The following SPTBN1 variants were observed in gnomAD, a reference collection of about 807,000 sequenced individuals.
SPTBN1 encodes the protein spectrin beta chain, non-erythrocytic 1.
A neutral mutation model predicts 266.4 loss-of-function variants in SPTBN1; 32 were observed. The observed-to-expected ratio is 0.12, with a 90% CI of 0.09 to 0.16. The LOEUF is 0.16. Among genes scored for constraint, SPTBN1 ranks in the 10% least tolerant of loss-of-function variants. The pLI is 1.00. For synonymous variants in SPTBN1, 1,336 were observed against 1,162.2 expected (o/e 1.15, Z -3.04); for missense variants, 2,296 against 3,067.1 (o/e 0.75, Z 5.94).
chr2:54,665,900 T>G lies in SPTBN1; in HGVS notation c.6660-15T>G, dbSNP rs202027101. ...AGCCTTTATCTCCCCCTGCCCTTTT[T>G]TTTAAACTGCACAGGTCCTGGCACA... On this transcript the variant is annotated splice_polypyrimidine_tract_variant and intron_variant, in intron 33 of 35. Coordinates refer to ENST00000356805, the MANE Select transcript of SPTBN1 (RefSeq NM_003128.3). 240 of 1,599,136 alleles carry G rather than the reference T, an allele frequency of 1.5e-4. No homozygotes were observed. In the African/African-American group the frequency reaches 2.5e-3, roughly 17 times the overall value.
chr2:54,514,973 T>C (rs1385305566), intron 1 of SPTBN1, among the ~76,000 whole-genome samples: 4 of 152,250 alleles, frequency 2.6e-5, no homozygotes, highest in Non-Finnish European at 1.5e-5. Context: ...TTAGAAAATA[T>C]GGTTTAGGAG....
intron 1 of SPTBN1, among the ~76,000 whole-genome samples, chr2:54,502,146 A>G (rs1210172190): frequency 1.3e-5 from 2 of 152,182 alleles, no homozygotes; most frequent in Non-Finnish European, 2.9e-5. Flanking sequence ...GGCCTTTGAA[A>G]TGACACCCTA....
At chr2:54,477,397 T>TA (rs1280884523) in intron 1 of SPTBN1, among the ~76,000 whole-genome samples, 4 of 146,058 alleles carry the variant, frequency 2.7e-5, no homozygotes, top group Admixed American at 1.3e-4. Context: ...TTTGTGGCAT[T>TA]ACCTTTTTTT....
chr2:54,461,052 GTTC>G lies in SPTBN1; in HGVS notation c.-48+4535_-48+4537del, dbSNP rs1455179851. On this transcript the variant is annotated intron_variant, in intron 1 of 35. Transcript: ENST00000356805. ...GGGACACTCAGGCAGCCACCGGCTA[GTTC>G]AGGAAGAGCCTTATACATTCAGAGC... is the stretch of plus-strand genomic sequence containing the variant. Among the ~76,000 whole-genome samples, 5 of 152,272 alleles carry G rather than the reference GTTC, an allele frequency of 3.3e-5. No individual in the cohort carries two copies. In the East Asian group the frequency reaches 9.6e-4, roughly 29 times the overall value.
intron 1 of SPTBN1, among the ~76,000 whole-genome samples, chr2:54,509,769 A>T (rs768241938): frequency 6.6e-6 from 1 of 152,092 alleles, no homozygotes; most frequent in Non-Finnish European, 1.5e-5. Context: ...AACAACAGAA[A>T]TTTATTTTCT....
chr2:54,572,130 G>T (rs1234323721), intron 2 of SPTBN1, among the ~76,000 whole-genome samples: 2 of 152,136 alleles, frequency 1.3e-5, no homozygotes, highest in East Asian at 3.8e-4. Flanking sequence ...AGGAGAAGAG[G>T]AGAGGAGAGG....
intron 2 of SPTBN1, among the ~76,000 whole-genome samples, chr2:54,551,647 A>T (rs563921642): frequency 6.6e-6 from 1 of 152,312 alleles, no homozygotes; most frequent in South Asian, 2.1e-4. Context: ...AGAAACAGGA[A>T]AAGGATATAA....
Position 54,468,206 on chromosome 2 carries a change from C to T in SPTBN1, c.-48+11688C>T, listed in dbSNP as rs2103840915. Reference sequence around the variant, plus strand: ...TCTCTAGTCCCAGCTACTTGGGAGGCTGAGGCAGGAGAATCACTTGAACCC... The same window carrying T: ...TCTCTAGTCCCAGCTACTTGGGAGGTTGAGGCAGGAGAATCACTTGAACCC... On this transcript the variant is annotated intron_variant, in intron 1 of 35. Coordinates refer to ENST00000356805, the MANE Select transcript of SPTBN1 (RefSeq NM_003128.3). Among the ~76,000 whole-genome samples, 3 of 152,140 alleles carry T rather than the reference C, an allele frequency of 2.0e-5. No individual in the cohort carries two copies. In the Middle Eastern group the frequency reaches 0.01, roughly 517 times the overall value.
intron 2 of SPTBN1, among the ~76,000 whole-genome samples, chr2:54,552,501 G>A (rs1558831480): frequency 1.3e-5 from 2 of 150,658 alleles, no homozygotes; most frequent in African/African-American, 4.9e-5. Flanking sequence ...CTGTCACCCA[G>A]GCTGGAGTGC....
chr2:54,607,945 A>G (rs1166451173), intron 3 of SPTBN1, among the ~76,000 whole-genome samples: 1 of 152,218 alleles, frequency 6.6e-6, no homozygotes, highest in Non-Finnish European at 1.5e-5. Context: ...TTGTTACCCA[A>G]GTAACCTTCC....
At chr2:54,515,544 A>G (rs1159372353) in intron 1 of SPTBN1, among the ~76,000 whole-genome samples, 1 of 151,438 alleles carries the variant, frequency 6.6e-6, no homozygotes, top group Non-Finnish European at 1.5e-5. Flanking sequence ...TTATTTATTT[A>G]TTTTTGTGAC....
intron 3 of SPTBN1, among the ~76,000 whole-genome samples, chr2:54,611,862 A>T (rs1398976925): frequency 1.3e-5 from 2 of 152,230 alleles, no homozygotes; most frequent in Non-Finnish European, 2.9e-5. Context: ...TAGCGCTGAA[A>T]TTCTCCATGA....
chr2:54,468,009 A>G (rs1325377487), intron 1 of SPTBN1, among the ~76,000 whole-genome samples: 1 of 152,204 alleles, frequency 6.6e-6, no homozygotes, highest in Non-Finnish European at 1.5e-5. Context: ...ACATACAGTT[A>G]ATATTTTAGT....
Position 54,622,355 on chromosome 2 carries a change from C to A in SPTBN1, c.932C>A (p.Ala311Asp). The A allele has an allele frequency of 1.9e-6, 3 of 1,614,186 alleles. No homozygotes were observed. The highest frequency in any genetic ancestry group is 2.5e-6 in the Non-Finnish European group (3 of 1,180,022). ...EKMIEKYESL[A>D]SDLLEWIEQT... ...ATGATTGAAAAGTATGAATCACTTG[C>A]CTCTGACCTTCTGGAATGGATTGAA... The change falls in exon 9 of 36, where the codon GCC becomes GAC. Residue 311 changes from alanine (A) to aspartate (D), a missense_variant. Around this residue, in one of 12 missense-constraint regions of SPTBN1, gnomAD observed 148 missense variants for 203.8 expected, o/e 0.73. Coordinates refer to ENST00000356805, the MANE Select transcript of SPTBN1 (RefSeq NM_003128.3).
chr2:54,467,986 T>C (rs1222909157), intron 1 of SPTBN1, among the ~76,000 whole-genome samples: 8 of 152,202 alleles, frequency 5.3e-5, no homozygotes. Flanking sequence ...CTAGATACTA[T>C]GTGACCCCGG....
Position 54,626,212 on chromosome 2 carries a change from T to C in SPTBN1, c.1622T>C (p.Met541Thr). 6.2e-7 allele frequency: 1 copy of C among 1,613,790 alleles called. No individual in the cohort carries two copies. Among genetic ancestry groups the C allele is most frequent in the Non-Finnish European group, 8.5e-7 (1 of 1,179,694 alleles). Residue 541 changes from methionine to threonine, a missense_variant, in exon 12 of 36, where the codon ATG (methionine) becomes ACG (threonine). By Grantham distance (81) the Met-to-Thr change is moderately conservative. Transcript: ENST00000356805. The surrounding 1 kb of genome is among the most constrained non-coding windows in gnomAD (Gnocchi z 4.7). ...ATATTCCAGGAAATGCTCTACATTA[T>C]GGACTGGATGGATGAAATGAAGGTA... is the stretch of plus-strand genomic sequence containing the variant. ...QKIFQEMLYI[M>T]DWMDEMKVLV...
intron 1 of SPTBN1, among the ~76,000 whole-genome samples, chr2:54,480,858 G>A (rs529732258): frequency 1.5e-4 from 23 of 152,250 alleles, no homozygotes; most frequent in African/African-American, 5.5e-4. Context: ...GAGTCCATTA[G>A]TTAAGGTGAC....
At chr2:54,549,800 T>A (rs1296890518) in intron 2 of SPTBN1, among the ~76,000 whole-genome samples, 1 of 151,384 alleles carries the variant, frequency 6.6e-6, no homozygotes, top group Non-Finnish European at 1.5e-5. Context: ...GACTAAAAGG[T>A]GAGGGGAGGG....
At position 54,622,496 on chromosome 2, in the gene SPTBN1, C is replaced by A; in HGVS notation, c.1064+9C>A. ...GTGGAGAAACCACCCAAGTAAGATGCATATTGTAGTGTGATCATTAATATG... is the reference window on the plus strand; with the variant it reads ...GTGGAGAAACCACCCAAGTAAGATGAATATTGTAGTGTGATCATTAATATG... On this transcript the variant is annotated intron_variant, in intron 9 of 35. Transcript: ENST00000356805. The A allele has an allele frequency of 6.2e-7, 1 of 1,612,820 alleles. No homozygotes were observed. Among genetic ancestry groups the A allele is most frequent in the Non-Finnish European group, 8.5e-7 (1 of 1,179,154 alleles).
Sources: allele counts gnomAD v4.1 joint callset (sites outside exome capture counted in the v4.1 genomes callset), GRCh38; gene constraint gnomAD v4.1.1; regional missense constraint gnomAD v4.1.1; non-coding constraint Gnocchi (gnomAD v3.1); transcripts MANE v1.5; gene names NCBI Gene and HGNC (gene_info 2026-07-23, HGNC 2026-07-21).